Variants in CCDC141 observed in about 807,000 individuals in gnomAD.
CCDC141 encodes the protein coiled-coil domain-containing protein 141.
CCDC141 carries 168 observed loss-of-function variants against 181.0 expected under a neutral mutation model. The ratio of observed to expected loss-of-function variants is 0.93; its 90% CI spans 0.82 to 1.05. The LOEUF is 1.05. Among genes scored for constraint, CCDC141 ranks in the 50% least tolerant of loss-of-function variants. The pLI, the probability that CCDC141 is intolerant of heterozygous loss-of-function variation, is 0.00. For synonymous variants in CCDC141, 666 were observed against 642.3 expected, an observed-to-expected ratio of 1.04 and a Z score of -0.56; for missense variants, 1,902 against 1,788.5, an observed-to-expected ratio of 1.06 and a Z score of -1.14.
intron 2 of CCDC141, among the ~76,000 whole-genome samples, chr2:179,039,640 T>C (rs1159939637): frequency 6.6e-6 from 1 of 152,200 alleles, no homozygotes; most frequent in Non-Finnish European, 1.5e-5. Flanking sequence ...CACAGCATTC[T>C]TTATGATTAG....
intron 7 of CCDC141, among the ~76,000 whole-genome samples, chr2:178,918,340 C>G (rs928008534): frequency 2.0e-5 from 3 of 151,912 alleles, no homozygotes; most frequent in Non-Finnish European, 4.4e-5. Context: ...TCCAGGAGGT[C>G]GAGGCTGCAG....
rs758492955 is a variant in CCDC141, at chr2:178,961,393, T to A, written c.617A>T (p.Asn206Ile). 13 of 1,550,464 alleles carry A rather than the reference T, an allele frequency of 8.4e-6. No homozygotes were observed. The East Asian group carries it at 3.2e-4, about 38-fold the overall frequency. ...EKFKCEGPNV[N>I]PELTQGAHSS... ...ATGAGCTCCCTGAGTCAACTCAGGA[T>A]TCACATTAGGTCCTTCACACTTGAA... is the stretch of plus-strand genomic sequence containing the variant. The change falls in exon 5 of 24, where the codon AAT (asparagine) becomes ATT (isoleucine). Residue 206 changes from asparagine to isoleucine, a missense_variant. Physicochemically the swap from Asn to Ile is moderately radical, Grantham distance 149 (BLOSUM62 -3). Coordinates refer to ENST00000443758, the MANE Select transcript of CCDC141 (RefSeq NM_173648.4).
intron 6 of CCDC141, among the ~76,000 whole-genome samples, chr2:178,939,599 G>A (rs1297816233): frequency 6.6e-6 from 1 of 152,074 alleles, no homozygotes; most frequent in East Asian, 1.9e-4. Context: ...ATATTAGAGA[G>A]GTAGGCAACC....
At chr2:178,816,270 G>A in the CCDC141 span, among the ~76,000 whole-genome samples, 1 of 152,084 alleles carries the variant, frequency 6.6e-6, no homozygotes, top group South Asian at 2.1e-4. Context: ...TTCTTTTTCA[G>A]AATACCATAT....
intron 5 of CCDC141, among the ~76,000 whole-genome samples, chr2:178,954,979 C>T (rs1300536543): frequency 6.6e-6 from 1 of 152,082 alleles, no homozygotes; most frequent in Non-Finnish European, 1.5e-5. Context: ...GTACCATCAA[C>T]AACGCTTTAA....
chr2:178,957,003 T>C (rs1411473508), intron 5 of CCDC141, among the ~76,000 whole-genome samples: 1 of 152,012 alleles, frequency 6.6e-6, no homozygotes, highest in African/African-American at 2.4e-5. Flanking sequence ...CAGCGTTCCG[T>C]GTAGCTGGCA....
intron 5 of CCDC141, among the ~76,000 whole-genome samples, chr2:178,954,374 C>A (rs961879618): frequency 1.3e-5 from 2 of 152,158 alleles, no homozygotes; most frequent in Non-Finnish European, 2.9e-5. Flanking sequence ...AACAAGAGTG[C>A]ATTTTTATAT....
intron 2 of CCDC141, among the ~76,000 whole-genome samples, chr2:178,981,798 T>C (rs1194770009): frequency 6.8e-6 from 1 of 146,764 alleles, no homozygotes; most frequent in Non-Finnish European, 1.5e-5. Flanking sequence ...ATAATAAAAA[T>C]TAGAGGAGGA....
At chr2:178,847,690 G>C (rs1160938379) in intron 21 of CCDC141, among the ~76,000 whole-genome samples, 1 of 152,140 alleles carries the variant, frequency 6.6e-6, no homozygotes, top group Admixed American at 6.5e-5. Flanking sequence ...ATATGTAGTA[G>C]TTATATGTGG....
At position 178,888,567 on chromosome 2, in the gene CCDC141, T is replaced by C; in HGVS notation, c.1367A>G (p.Lys456Arg). The C allele has an allele frequency of 6.4e-7, 1 of 1,550,504 alleles. No homozygotes were observed. The highest frequency in any genetic ancestry group is 8.7e-7 in the Non-Finnish European group (1 of 1,146,822). Residue 456 changes from lysine to arginine, a missense_variant, in exon 9 of 24, where the codon AAA (lysine) becomes AGA (arginine). Lys to Arg is a conservative substitution (Grantham distance 26, BLOSUM62 2). Coordinates refer to ENST00000443758, the MANE Select transcript of CCDC141 (RefSeq NM_173648.4). ...CSAHKEYALK[K>R]QQLTASVEGY... Reference sequence around the variant, plus strand: ...CTCCACTGAGGCTGTTAGTTGTTGTTTCTTAAGAGCATATTCCTTGTGCGC... The same window carrying C: ...CTCCACTGAGGCTGTTAGTTGTTGTCTCTTAAGAGCATATTCCTTGTGCGC...
intron 2 of CCDC141, among the ~76,000 whole-genome samples, chr2:179,012,990 C>A (rs535607699): frequency 1.3e-5 from 2 of 152,260 alleles, no homozygotes; most frequent in East Asian, 3.9e-4. Flanking sequence ...CCATCTATGA[C>A]AAACCCACAG....
chr2:178,983,235 C>A (rs981973609), intron 2 of CCDC141, among the ~76,000 whole-genome samples: 10 of 152,124 alleles, frequency 6.6e-5, no homozygotes, highest in African/African-American at 2.2e-4. Flanking sequence ...GGTACTCCAA[C>A]AGACCTGCAG....
intron 2 of CCDC141, among the ~76,000 whole-genome samples, chr2:179,007,736 C>G (rs1460907810): frequency 1.3e-5 from 2 of 152,112 alleles, no homozygotes; most frequent in Non-Finnish European, 1.5e-5. Flanking sequence ...TCTTCTTTTA[C>G]CAAGCAAAAA....
chr2:178,894,374 A>T (rs1262269852), intron 8 of CCDC141, among the ~76,000 whole-genome samples: 1 of 152,196 alleles, frequency 6.6e-6, no homozygotes, highest in East Asian at 1.9e-4. Flanking sequence ...GTGCAATCCA[A>T]AATCTCAAAA....
intron 6 of CCDC141, among the ~76,000 whole-genome samples, chr2:178,920,521 A>C (rs903324617): frequency 1.3e-5 from 2 of 152,142 alleles, no homozygotes; most frequent in Non-Finnish European, 2.9e-5. Flanking sequence ...CAGGAGTTTG[A>C]GACCAGCCTG....
intron 16 of CCDC141, 134 bp downstream of exon 16, chr2:178,867,892 A>G: frequency 1.4e-6 from 1 of 691,230 alleles, no homozygotes; most frequent in East Asian, 2.7e-5. Context: ...GAAATGAATC[A>G]CAAATAACTA....
chr2:178,896,563 G>C (rs1230872667), intron 8 of CCDC141, among the ~76,000 whole-genome samples: 1 of 152,184 alleles, frequency 6.6e-6, no homozygotes. Context: ...CTAGAAGCTA[G>C]AGTAAATTTT....
the CCDC141 span, chr2:178,817,512 A>G: frequency 2.8e-5 from 13 of 470,872 alleles, no homozygotes; most frequent in South Asian, 1.9e-4. Context: ...TAAAGACAAA[A>G]CCACATGACC....
At chr2:179,046,441 C>T (rs555943920) in intron 2 of CCDC141, among the ~76,000 whole-genome samples, 34 of 152,308 alleles carry the variant, frequency 2.2e-4, no homozygotes, top group African/African-American at 6.3e-4. Flanking sequence ...CTGTCTGCTC[C>T]GCAGCCCCAC....
Sources: gnomAD v4.1 joint callset for allele counts (sites outside exome capture counted in the v4.1 genomes callset) on GRCh38, gnomAD v4.1.1 for gene constraint, MANE v1.5 for transcripts, NCBI Gene and HGNC (gene_info 2026-07-23, HGNC 2026-07-21) for gene names.